Variants in GPR158 observed in about 807,000 individuals in gnomAD.
The protein encoded by GPR158 is G protein-coupled receptor 158, also known as metabotropic glycine receptor.
Under a neutral mutation model 78.2 loss-of-function variants are expected in GPR158, and 30 were observed. The ratio of observed to expected loss-of-function variants is 0.38; its 90% CI spans 0.29 to 0.52. GPR158 has a LOEUF of 0.52. GPR158 is among the 20% of genes least tolerant of loss of function. The pLI is 0.83. For missense variants in GPR158, 1,463 were observed against 1,523.5 expected (o/e 0.96, Z 0.66); for synonymous variants, 581 against 591.1 (o/e 0.98, Z 0.25).
chr10:25,512,976 A>G (rs1033688859), intron 5 of GPR158, among the ~76,000 whole-genome samples: 2 of 151,918 alleles, frequency 1.3e-5, no homozygotes, highest in Non-Finnish European at 2.9e-5. Context: ...CATCAGGGAT[A>G]TTTGTCTGTA....
intron 6 of GPR158, among the ~76,000 whole-genome samples, chr10:25,571,207 G>A (rs1016894421): frequency 1.1e-4 from 16 of 152,252 alleles, no homozygotes; most frequent in Admixed American, 3.3e-4. Flanking sequence ...GAGATGGAGC[G>A]TGGTTAAGAG....
chr10:25,187,126 G>A (rs963697731), intron 1 of GPR158, among the ~76,000 whole-genome samples: 1 of 151,786 alleles, frequency 6.6e-6, no homozygotes, highest in Non-Finnish European at 1.5e-5. Context: ...CATCACGCCC[G>A]GCTATTTTTT....
In GPR158 at chr10:25,555,228, C is replaced by T. The variant is rs181468004; in HGVS notation, c.1514+4143C>T. ...GGGCTCTTTTTTGGTTCCATATGAA[C>T]TTTAAAGCAGTTTTTCTCAATTCTG... On this transcript the variant is annotated intron_variant, in intron 6 of 10. Coordinates refer to ENST00000376351, the MANE Select transcript of GPR158 (RefSeq NM_020752.3). Among the ~76,000 whole-genome samples the T allele has an allele frequency of 1.1e-3, 166 of 152,110 alleles. 2 individuals carry two copies. Among genetic ancestry groups the T allele is most frequent in the African/African-American group, 3.8e-3 (156 of 41,498 alleles).
chr10:25,222,579 T>G (rs1327975708), intron 2 of GPR158, among the ~76,000 whole-genome samples: 1 of 152,178 alleles, frequency 6.6e-6, no homozygotes, highest in Non-Finnish European at 1.5e-5. Flanking sequence ...TGAACATTTC[T>G]GAGCCTCCAC....
chr10:25,453,297 T>A (rs762504797), intron 4 of GPR158, among the ~76,000 whole-genome samples: 1 of 152,206 alleles, frequency 6.6e-6, no homozygotes, highest in East Asian at 1.9e-4. Flanking sequence ...TGAGGAAACA[T>A]CATACTGTTT....
At chr10:25,306,370 G>A (rs1034549526) in intron 2 of GPR158, among the ~76,000 whole-genome samples, 4 of 151,928 alleles carry the variant, frequency 2.6e-5, no homozygotes, top group Non-Finnish European at 4.4e-5. Flanking sequence ...CCCTGCCTTC[G>A]TGCATTATTC....
chr10:25,256,235 A>C (rs554727091), intron 2 of GPR158, among the ~76,000 whole-genome samples: 9 of 152,268 alleles, frequency 5.9e-5, no homozygotes, highest in African/African-American at 1.7e-4. Flanking sequence ...TAAAATTACT[A>C]TTATAATCCA....
At chr10:25,322,623 T>A (rs1483610483) in intron 2 of GPR158, among the ~76,000 whole-genome samples, 1 of 152,214 alleles carries the variant, frequency 6.6e-6, no homozygotes, top group Non-Finnish European at 1.5e-5. Context: ...CCTAGATTCA[T>A]AAGAGGAATC....
chr10:25,403,367 GGCCTGTAAAT>G (rs1454934967), intron 3 of GPR158, among the ~76,000 whole-genome samples: 1 of 151,886 alleles, frequency 6.6e-6, no homozygotes, highest in Non-Finnish European at 1.5e-5. Flanking sequence ...TTCCTCAGAT[GGCCTGTAAAT>G]GCTACTGTAA....
At chr10:25,185,784 C>T (rs1852676308) in intron 1 of GPR158, among the ~76,000 whole-genome samples, 1 of 151,982 alleles carries the variant, frequency 6.6e-6, no homozygotes, top group African/African-American at 2.4e-5. Context: ...GATGGCACCA[C>T]TGCACTTCAG....
chr10:25,494,501 T>G (rs1835852690), intron 5 of GPR158, among the ~76,000 whole-genome samples: 1 of 152,192 alleles, frequency 6.6e-6, no homozygotes, highest in Admixed American at 6.5e-5. Flanking sequence ...TGTATAAAAA[T>G]TGGATTGCTA....
At position 25,175,992 on chromosome 10, in the gene GPR158, T is replaced by C; in HGVS notation, c.572T>C (p.Phe191Ser). 2 of 1,613,104 alleles carry C rather than the reference T, an allele frequency of 1.2e-6. No homozygotes were observed. Among genetic ancestry groups the C allele is most frequent in the Non-Finnish European group, 8.5e-7 (1 of 1,179,926 alleles). Residue 191 changes from phenylalanine (F) to serine (S), a missense_variant, in exon 1 of 11, where the codon TTC becomes TCC. Physicochemically the swap from Phe to Ser is radical, Grantham distance 155. Transcript: ENST00000376351. This position sits in a 1 kb window ranked among gnomAD's most constrained non-coding sequence, Gnocchi z 6.4. ...DSLSAPAPQV[F>S]LQATREESRI... is the part of the protein sequence containing the mutation. ...CTGTCCGCACCGGCCCCACAGGTCT[T>C]CCTCCAGGCCACGCGCGAGGAGAGC...
At chr10:25,220,298 G>A (rs1853281289) in intron 1 of GPR158, among the ~76,000 whole-genome samples, 1 of 152,160 alleles carries the variant, frequency 6.6e-6, no homozygotes, top group South Asian at 2.1e-4. Flanking sequence ...TAGAAAGGAG[G>A]GAATCTTAGG....
chr10:25,312,482 T>C (rs938228374), intron 2 of GPR158, among the ~76,000 whole-genome samples: 2 of 152,106 alleles, frequency 1.3e-5, no homozygotes, highest in Non-Finnish European at 2.9e-5. Context: ...TTCCGTGAAG[T>C]AGAGTTCATT....
intron 5 of GPR158, among the ~76,000 whole-genome samples, chr10:25,547,134 G>C (rs1836670912): frequency 2.0e-5 from 3 of 152,128 alleles, no homozygotes; most frequent in Admixed American, 2.0e-4. Context: ...GAAAATGTTT[G>C]GTGGGGAAGA....
At chr10:25,411,630 G>A (rs1307027174) in intron 3 of GPR158, among the ~76,000 whole-genome samples, 1 of 151,980 alleles carries the variant, frequency 6.6e-6, no homozygotes, top group Non-Finnish European at 1.5e-5. Flanking sequence ...GTGAGTGGTA[G>A]ATAATGATAT....
At position 25,391,496 on chromosome 10, in the gene GPR158, T is replaced by A. The variant is rs568430157; in HGVS notation, c.1009-4415T>A. ...GAGACATGCAGTTAAAGGAGATCAT[T>A]TTGAGCTTTAAGATTTGACTGTCCT... On this transcript the variant is annotated intron_variant, in intron 2 of 10. Transcript: ENST00000376351. Among the ~76,000 whole-genome samples, 789 of 85,704 alleles carry A rather than the reference T, an allele frequency of 9.2e-3. 3 individuals are homozygous for A. Among genetic ancestry groups the A allele is most frequent in the Middle Eastern group, 0.02 (3 of 152 alleles). The allele number at this position is 85,704 out of a possible 152,430, so 56.2% of individuals were successfully genotyped here.
At chr10:25,521,015 A>C (rs1232198885) in intron 5 of GPR158, among the ~76,000 whole-genome samples, 7 of 151,828 alleles carry the variant, frequency 4.6e-5, no homozygotes, top group African/African-American at 7.3e-5. Flanking sequence ...GCAATCAGCG[A>C]GACTCTGTGG....
intron 7 of GPR158, among the ~76,000 whole-genome samples, chr10:25,574,034 C>T (rs1837051917): frequency 6.6e-6 from 1 of 150,544 alleles, no homozygotes; most frequent in Admixed American, 6.7e-5. Context: ...TAAAAAATTT[C>T]TACTCACCCT....
Sources: gnomAD v4.1 joint callset for allele counts (sites outside exome capture counted in the v4.1 genomes callset) on GRCh38, gnomAD v4.1.1 for gene constraint, Gnocchi (gnomAD v3.1) non-coding constraint, MANE v1.5 for transcripts, NCBI Gene and HGNC (gene_info 2026-07-23, HGNC 2026-07-21) for gene names.